Variants in NELL1 observed in about 807,000 individuals in gnomAD.
The protein encoded by NELL1 is protein kinase C-binding protein NELL1.
Under a neutral mutation model 107.4 loss-of-function variants are expected in NELL1, and 76 were observed. That is an observed-to-expected ratio of 0.71 (90% CI 0.59 to 0.86). The LOEUF (loss-of-function observed/expected upper bound fraction) is 0.86, where lower values mean the gene tolerates loss of function less well. NELL1 is among the 40% of genes least tolerant of loss of function. NELL1 has a pLI of 0.00. For missense variants in NELL1, 1,024 were observed against 1,005.5 expected (o/e 1.02, Z -0.25); for synonymous variants, 353 against 341.2 (o/e 1.03, Z -0.38).
intron 15 of NELL1, among the ~76,000 whole-genome samples, chr11:21,489,452 C>T (rs1854742341): frequency 7.5e-6 from 1 of 133,900 alleles, no homozygotes; most frequent in Admixed American, 8.0e-5. Context: ...CTGAGGCCAA[C>T]ATTACCCTGA....
At chr11:21,123,368 C>T (rs992974030) in intron 13 of NELL1, among the ~76,000 whole-genome samples, 5 of 140,136 alleles carry the variant, frequency 3.6e-5, no homozygotes, top group African/African-American at 1.1e-4. Context: ...TGTGTGTGTG[C>T]GTTTCCATGT....
chr11:21,137,368 G>C (rs1387639553), intron 13 of NELL1, among the ~76,000 whole-genome samples: 1 of 152,224 alleles, frequency 6.6e-6, no homozygotes, highest in Non-Finnish European at 1.5e-5. Flanking sequence ...AGAGTTGGTG[G>C]TTGGCGGTAC....
chr11:21,436,757 G>A (rs987202189), intron 15 of NELL1, among the ~76,000 whole-genome samples: 2 of 152,024 alleles, frequency 1.3e-5, no homozygotes, highest in Non-Finnish European at 2.9e-5. Flanking sequence ...TTATAAAATA[G>A]ACAGTTATTG....
chr11:21,470,495 G>A (rs1216154843), intron 15 of NELL1, among the ~76,000 whole-genome samples: 1 of 151,944 alleles, frequency 6.6e-6, no homozygotes, highest in Non-Finnish European at 1.5e-5. Context: ...ATGTTCCCCT[G>A]CTCTTTGCAA....
chr11:21,266,085 C>T (rs933182194), intron 14 of NELL1, among the ~76,000 whole-genome samples: 1 of 152,020 alleles, frequency 6.6e-6, no homozygotes, highest in Non-Finnish European at 1.5e-5. Context: ...ATTCCCTAAC[C>T]CTCCTAGTCC....
chr11:21,247,779 C>T lies in NELL1; in HGVS notation c.1549+18325C>T, dbSNP rs530247883. ...CTGTATATAATTGTATATGCTATAC[C>T]GTTATATGATTGGCAGCACAGTAGG... On this transcript the variant is annotated intron_variant, in intron 14 of 19. Transcript: ENST00000357134. Among the ~76,000 whole-genome samples, 61 of 152,270 alleles carry T rather than the reference C, an allele frequency of 4.0e-4. 1 individual carries two copies. The highest frequency in any genetic ancestry group is 3.4e-3 in the Middle Eastern group (1 of 294).
In NELL1 at chr11:20,927,422, T is replaced by G; in HGVS notation, c.874T>G (p.Cys292Gly). The change falls in exon 8 of 20, where the codon TGC becomes GGC. Residue 292 changes from cysteine (C) to glycine (G), a missense_variant. By Grantham distance (159) the Cys-to-Gly change is radical (BLOSUM62 -3). Transcript: ENST00000357134. ...AGACTCTTGGGTAGATGGTGACCAT[T>G]GCAGGAACTGCACTTGCAAAGTAAG... ...DQDSWVDGDHCRNCTCKSGAV... is the reference protein window; with the variant it reads ...DQDSWVDGDHGRNCTCKSGAV... 1 of 1,610,444 alleles carries G rather than the reference T, an allele frequency of 6.2e-7. No individual in the cohort carries two copies. Among genetic ancestry groups the G allele is most frequent in the Non-Finnish European group, 8.5e-7 (1 of 1,179,292 alleles).
intron 13 of NELL1, among the ~76,000 whole-genome samples, chr11:21,189,198 A>G (rs1856997851): frequency 6.6e-6 from 1 of 151,886 alleles, no homozygotes; most frequent in Non-Finnish European, 1.5e-5. Context: ...TTCACAATTT[A>G]CTTATCCTTT....
chr11:20,722,670 C>T lies in NELL1; in HGVS notation c.184+44610C>T, dbSNP rs768194323. On this transcript the variant is annotated intron_variant, in intron 2 of 19. Transcript: ENST00000357134. ...TGAGACAATCATTTTCTACACTAAC[C>T]CTTATTAAGAAGTGCAAGCCGAAGA... 5.3e-4 allele frequency among the ~76,000 whole-genome samples: 81 copies of T among 152,174 alleles called. No homozygotes were observed. In the Middle Eastern group the frequency reaches 0.01, roughly 19 times the overall value.
At chr11:20,863,410 C>G (rs12806203) in intron 4 of NELL1, among the ~76,000 whole-genome samples, 40 of 43,750 alleles carry the variant, frequency 9.1e-4, no homozygotes, top group South Asian at 3.4e-3. Flanking sequence ...CAGGCGGAGA[C>G]GCTCCTCACT....
intron 12 of NELL1, among the ~76,000 whole-genome samples, chr11:20,987,132 T>C (rs1030969614): frequency 6.6e-6 from 1 of 152,204 alleles, no homozygotes; most frequent in East Asian, 1.9e-4. Context: ...AAACATTGCC[T>C]AATTCTATTG....
intron 15 of NELL1, among the ~76,000 whole-genome samples, chr11:21,377,043 T>A (rs1289112284): frequency 1.3e-5 from 2 of 152,196 alleles, no homozygotes; most frequent in African/African-American, 4.8e-5. Flanking sequence ...TATTTCTTCC[T>A]CTTGCCATAT....
intron 5 of NELL1, among the ~76,000 whole-genome samples, chr11:20,915,908 G>A (rs1253238048): frequency 1.3e-5 from 2 of 150,766 alleles, no homozygotes; most frequent in East Asian, 3.9e-4. Context: ...TCTTATTCTG[G>A]GGAAGGTGCT....
In NELL1 at chr11:21,043,493, G is replaced by C. The variant is rs185678242; in HGVS notation, c.1301-70096G>C. Among the ~76,000 whole-genome samples the C allele has an allele frequency of 5.1e-3, 779 of 152,128 alleles. 5 individuals carry two copies. The highest frequency in any genetic ancestry group is 0.014 in the Middle Eastern group (4 of 294). On this transcript the variant is annotated intron_variant, in intron 12 of 19. Coordinates refer to ENST00000357134, the MANE Select transcript of NELL1 (RefSeq NM_006157.5). ...GCCTCCACCATGATGTCCATGTAAGGGTTCACGTTATGAAAGGTCCATGGG... is the reference window on the plus strand; with the variant it reads ...GCCTCCACCATGATGTCCATGTAAGCGTTCACGTTATGAAAGGTCCATGGG...
chr11:21,502,086 G>A (rs566714670), intron 15 of NELL1, among the ~76,000 whole-genome samples: 66 of 152,224 alleles, frequency 4.3e-4, no homozygotes, highest in Non-Finnish European at 8.2e-4. Flanking sequence ...GAAGATTTAT[G>A]GTTGACTCAT....
At chr11:21,352,442 T>C (rs1250688970) in intron 14 of NELL1, among the ~76,000 whole-genome samples, 2 of 152,154 alleles carry the variant, frequency 1.3e-5, no homozygotes, top group African/African-American at 4.8e-5. Context: ...TAGAAGATTT[T>C]TTTTAACTGG....
intron 14 of NELL1, among the ~76,000 whole-genome samples, chr11:21,246,865 T>C (rs1261326203): frequency 6.6e-6 from 1 of 152,158 alleles, no homozygotes; most frequent in African/African-American, 2.4e-5. Context: ...GAGAAATCTC[T>C]TATAAAATCA....
At chr11:21,190,784 A>G (rs900789890) in intron 13 of NELL1, among the ~76,000 whole-genome samples, 13 of 151,932 alleles carry the variant, frequency 8.6e-5, no homozygotes, top group Non-Finnish European at 1.6e-4. Context: ...CTGGGTGTCA[A>G]ATTTTCCTCA....
chr11:21,334,682 C>T (rs374364785), intron 14 of NELL1, among the ~76,000 whole-genome samples: 3 of 151,872 alleles, frequency 2.0e-5, no homozygotes, highest in Non-Finnish European at 2.9e-5. Context: ...CTTAATTTGG[C>T]TGCCTATTTG....
Sources: allele counts gnomAD v4.1 joint callset (sites outside exome capture counted in the v4.1 genomes callset), GRCh38; gene constraint gnomAD v4.1.1; transcripts MANE v1.5; gene names NCBI Gene and HGNC (gene_info 2026-07-23, HGNC 2026-07-21).